Variants in CACNG5 observed in about 807,000 individuals in gnomAD.
The protein encoded by CACNG5 is calcium voltage-gated channel auxiliary subunit gamma 5.
In CACNG5, 18 loss-of-function variants were observed where a neutral mutation model predicts 24.8. The observed-to-expected ratio is 0.73, with a 90% CI of 0.50 to 1.08. The LOEUF (loss-of-function observed/expected upper bound fraction) is 1.08, where lower values mean the gene tolerates loss of function less well. CACNG5 is among the 50% of genes least tolerant of loss of function. CACNG5 has a pLI of 0.00. For synonymous variants in CACNG5, 157 were observed against 149.1 expected (o/e 1.05, Z -0.39); for missense variants, 349 against 367.9 (o/e 0.95, Z 0.42).
chr17:66,880,570 A>C lies in CACNG5; in HGVS notation c.297A>C (p.Ser99=). 6.2e-7 allele frequency: 1 copy of C among 1,614,232 alleles called. No homozygotes were observed. The highest frequency in any genetic ancestry group is 8.5e-7 in the Non-Finnish European group (1 of 1,180,032). ...CCCGTTAATTAGAGATGATCCGCTC[A>C]GCCACACCATTCCCTCTGGTCAGCC... ...STVNVLKMIR[S]ATPFPLVSLF... Residue 99 remains serine, a synonymous_variant, in exon 4 of 6, where the codon TCA becomes TCC. Transcript: ENST00000533854.
intron 1 of CACNG5, among the ~76,000 whole-genome samples, chr17:66,847,152 T>C (rs1976647449): frequency 6.6e-6 from 1 of 152,146 alleles, no homozygotes; most frequent in African/African-American, 2.4e-5. Context: ...AGGAGCTCCA[T>C]TCTGTTCTTG....
At chr17:66,878,402 A>T (rs1176163166) in intron 2 of CACNG5, among the ~76,000 whole-genome samples, 2 of 152,168 alleles carry the variant, frequency 1.3e-5, no homozygotes, top group Non-Finnish European at 2.9e-5. Context: ...TGGGGGATGG[A>T]GTGGGTATTT....
chr17:66,883,936 C>T (rs917349252), intron 4 of CACNG5, among the ~76,000 whole-genome samples: 4 of 152,082 alleles, frequency 2.6e-5, no homozygotes, highest in Admixed American at 2.6e-4. Context: ...AGTTCGAGAC[C>T]AACCTTGCCA....
chr17:66,840,042 G>C (rs373620663), intron 1 of CACNG5, among the ~76,000 whole-genome samples: 2 of 152,122 alleles, frequency 1.3e-5, no homozygotes, highest in South Asian at 2.1e-4. Flanking sequence ...CTTACTATCC[G>C]GGTGGCCTTA....
intron 1 of CACNG5, among the ~76,000 whole-genome samples, chr17:66,849,200 C>T (rs1367397315): frequency 6.6e-6 from 1 of 152,184 alleles, no homozygotes; most frequent in Non-Finnish European, 1.5e-5. Flanking sequence ...GATCAATTTC[C>T]TCCACCCCCT....
Position 66,877,329 on chromosome 17 carries a change from G to A in CACNG5, c.-4G>A, listed in dbSNP as rs1396671270. On this transcript the variant is annotated 5_prime_UTR_variant, in exon 2 of 6. Coordinates refer to ENST00000533854, the MANE Select transcript of CACNG5 (RefSeq NM_145811.3). ...GACTAGTTGCACAGCAACGGTCCAG[G>A]AAGATGAGTGCCTGCGGGAGGAAGG... 21 of 1,613,040 alleles carry A rather than the reference G, an allele frequency of 1.3e-5. No individual in the cohort carries two copies. The highest frequency in any genetic ancestry group is 1.7e-5 in the Non-Finnish European group (20 of 1,179,392).
At chr17:66,852,955 TCTCCTTCTCTC>T (rs1976725314) in intron 1 of CACNG5, among the ~76,000 whole-genome samples, 1 of 150,472 alleles carries the variant, frequency 6.6e-6, no homozygotes, top group Non-Finnish European at 1.5e-5. Flanking sequence ...CTTCTCCTCC[TCTCCTTCTCTC>T]CTCCTTCTCT....
At position 66,890,159 on chromosome 17, in the gene CACNG5, A is replaced by T. The variant is rs117289721; in HGVS notation, c.*4919A>T. Among the ~76,000 whole-genome samples the T allele has an allele frequency of 7.9e-5, 12 of 152,342 alleles. No individual in the cohort carries two copies. In the East Asian group the frequency reaches 2.1e-3, roughly 27 times the overall value. On this transcript the variant is annotated 3_prime_UTR_variant, in exon 6 of 6. Transcript: ENST00000533854. ...AGGGAGTAGGTGCACAGGTGGATGG[A>T]TGAGTGGATTCTGTCTAATGCACCT... is the stretch of plus-strand genomic sequence containing the variant.
intron 1 of CACNG5, among the ~76,000 whole-genome samples, chr17:66,856,100 C>G (rs903737031): frequency 1.3e-5 from 2 of 152,120 alleles, no homozygotes; most frequent in Non-Finnish European, 2.9e-5. Flanking sequence ...ATGTTGGTGG[C>G]TTTGAGCACT....
Position 66,891,260 on chromosome 17 carries a change from G to A in CACNG5, c.*6020G>A, listed in dbSNP as rs906971194. Among the ~76,000 whole-genome samples, 9 of 152,312 alleles carry A rather than the reference G, an allele frequency of 5.9e-5. No individual in the cohort carries two copies. The highest frequency in any genetic ancestry group is 1.3e-4 in the Non-Finnish European group (9 of 68,018). On this transcript the variant is annotated 3_prime_UTR_variant, in exon 6 of 6. Coordinates refer to ENST00000533854, the MANE Select transcript of CACNG5 (RefSeq NM_145811.3). The stretch of plus-strand genomic sequence containing the variant: ...CCATTCCTAAACCACAATCTGGCAA[G>A]GGGAACAGGGTGGCCATGTGCTCCA...
intron 2 of CACNG5, 89 bp from the exon 3 acceptor site, chr17:66,878,882 CT>C: frequency 8.9e-7 from 1 of 1,124,120 alleles, no homozygotes; most frequent in Non-Finnish European, 1.3e-6. Context: ...GTCAAAGATC[CT>C]AAAAACACAC....
chr17:66,884,416 G>A (rs1228388317), intron 4 of CACNG5, 100 bp from the exon 5 acceptor site: 8 of 1,254,588 alleles, frequency 6.4e-6, no homozygotes, highest in Admixed American at 2.2e-5. Context: ...CCCCAAGGCT[G>A]GTGGCTTTGC....
Position 66,892,212 on chromosome 17 carries a change from C to T in CACNG5, c.*6972C>T, listed in dbSNP as rs1322879528. On this transcript the variant is annotated 3_prime_UTR_variant, in exon 6 of 6. Transcript: ENST00000533854. ...GCTCTGTCTCAGCCTGCACCAGCCC[C>T]ACCTCCTCCGACAAGGCTGTGCCTG... Among the ~76,000 whole-genome samples, 1 of 152,244 alleles carries T rather than the reference C, an allele frequency of 6.6e-6. No individual in the cohort carries two copies. The highest frequency in any genetic ancestry group is 2.4e-5 in the African/African-American group (1 of 41,468).
At position 66,889,768 on chromosome 17, in the gene CACNG5, T is replaced by G. The variant is rs1328034691; in HGVS notation, c.*4528T>G. Among the ~76,000 whole-genome samples the G allele has an allele frequency of 6.6e-6, 1 of 152,156 alleles. No homozygotes were observed. Among genetic ancestry groups the G allele is most frequent in the African/African-American group, 2.4e-5 (1 of 41,432 alleles). On this transcript the variant is annotated 3_prime_UTR_variant, in exon 6 of 6. Transcript: ENST00000533854. The stretch of plus-strand genomic sequence containing the variant: ...TGAGGCCCACCGACGTTAGAAAAGG[T>G]AATTGCTTTACTCAGTGTCCACTGA...
At chr17:66,868,640 G>A (rs941479585) in intron 1 of CACNG5, among the ~76,000 whole-genome samples, 3 of 152,174 alleles carry the variant, frequency 2.0e-5, no homozygotes, top group Admixed American at 1.3e-4. Flanking sequence ...GAGCAGGACT[G>A]TAATGACACC....
intron 1 of CACNG5, among the ~76,000 whole-genome samples, chr17:66,850,635 A>G (rs962526579): frequency 6.6e-6 from 1 of 151,972 alleles, no homozygotes. Context: ...GCAGTTGGAA[A>G]AATAATTTGT....
intron 1 of CACNG5, among the ~76,000 whole-genome samples, chr17:66,840,877 G>A (rs1355150420): frequency 6.6e-6 from 1 of 152,160 alleles, no homozygotes; most frequent in African/African-American, 2.4e-5. Flanking sequence ...TGTTTGCCCT[G>A]TTTGATCCCT....
intron 1 of CACNG5, among the ~76,000 whole-genome samples, chr17:66,858,455 A>C (rs1042884733): frequency 2.0e-5 from 3 of 152,128 alleles, no homozygotes; most frequent in African/African-American, 7.2e-5. Flanking sequence ...CTCAACTCGC[A>C]GGACTAACAG....
intron 3 of CACNG5, 59 bp from the exon 4 acceptor site, chr17:66,880,495 GGAT>G (rs1977142735): frequency 6.2e-7 from 1 of 1,605,072 alleles, no homozygotes; most frequent in Non-Finnish European, 8.5e-7. Flanking sequence ...ACTCAACTCA[GGAT>G]GATGAGGAAT....
Sources: allele counts gnomAD v4.1 joint callset (sites outside exome capture counted in the v4.1 genomes callset), GRCh38; gene constraint gnomAD v4.1.1; transcripts MANE v1.5; gene names NCBI Gene and HGNC (gene_info 2026-07-23, HGNC 2026-07-21).